Variants in TTN observed in about 807,000 individuals in gnomAD.
TTN encodes titin.
Under a neutral mutation model 3,223.0 loss-of-function variants are expected in TTN, and 1,525 were observed. That is an observed-to-expected ratio of 0.47 (90% CI 0.45 to 0.49). The LOEUF (loss-of-function observed/expected upper bound fraction) is 0.49, where lower values mean the gene tolerates loss of function less well. Ranked by LOEUF, TTN falls within the 20% of genes least tolerant of loss-of-function variation. TTN has a pLI of 0.00. For missense variants in TTN, 40,786 were observed against 43,424.0 expected (o/e 0.94, Z 5.40); for synonymous variants, 14,094 against 15,161.0 (o/e 0.93, Z 5.17).
intron 313 of TTN, 127 bp downstream of exon 313, chr2:178,582,813 G>T: frequency 1.0e-6 from 1 of 994,200 alleles, no homozygotes; most frequent in Non-Finnish European, 1.4e-6. Flanking sequence ...TCTGTCATAA[G>T]AATAATTCTG....
At position 178,532,572 on chromosome 2, in the gene TTN, C is replaced by A; in HGVS notation, c.104043G>T (p.Leu34681=). Residue 34681 remains leucine (L), a synonymous_variant, in exon 358 of 363, where the codon CTG becomes CTT. Coordinates refer to ENST00000589042, the MANE Select transcript of TTN (RefSeq NM_001267550.2). ...CTAACTCAAGCTCTTCTTCAAGACG[C>A]AGCCTCTCTTCCTCTGTTCTTTTCA... ...LAMKRTEEER[L]RLEEELELGF... is the part of the protein sequence containing the mutation. The A allele has an allele frequency of 6.2e-7, 1 of 1,613,964 alleles. No individual in the cohort carries two copies. Among genetic ancestry groups the A allele is most frequent in the African/African-American group, 1.3e-5 (1 of 75,042 alleles).
chr2:178,616,976 A>T lies in TTN; in HGVS notation c.47913T>A (p.Gly15971=). ...PTMDLSAFKD[G]LEVIVPNPIT... ...TAGGATTTGGGACAATAACTTCCAG[A>T]CCATCTTTAAATGCACTTAAATCCA... is the stretch of plus-strand genomic sequence containing the variant. Residue 15971 remains glycine, a synonymous_variant, in exon 256 of 363, where the codon GGT becomes GGA. Transcript: ENST00000589042. 1 of 1,612,656 alleles carries T rather than the reference A, an allele frequency of 6.2e-7. No individual in the cohort carries two copies. Among genetic ancestry groups the T allele is most frequent in the Non-Finnish European group, 8.5e-7 (1 of 1,179,074 alleles).
rs752675414 is a variant in TTN, at chr2:178,748,356, G to T, written c.11311+4768C>A. ...TTCTCCACCATAGTTCTATTTGAAA[G>T]CTCTTGACTGGAAGAAATTTCTTGA... On this transcript the variant is annotated intron_variant, in intron 47 of 362. Coordinates refer to ENST00000589042, the MANE Select transcript of TTN (RefSeq NM_001267550.2). The T allele has an allele frequency of 1.9e-6, 3 of 1,613,110 alleles. No individual in the cohort carries two copies. In the Admixed American group the frequency reaches 5.0e-5, roughly 27 times the overall value.
In TTN at chr2:178,549,361, G is replaced by T; in HGVS notation, c.92265C>A (p.Ile30755=). Residue 30755 remains isoleucine (I), a synonymous_variant, in exon 339 of 363, where the codon ATC becomes ATA. Transcript: ENST00000589042. ...TGCTTTTCTTTTCTCTTCTTTCAAG[G>T]ATATACTGTTGAATTTCACTGCCAC... is the stretch of plus-strand genomic sequence containing the variant. ...SDGGSEIQQY[I]LERREKKSTR... is the part of the protein sequence containing the mutation. The T allele has an allele frequency of 6.2e-7, 1 of 1,613,768 alleles. No homozygotes were observed.
intron 307 of TTN, 150 bp from the exon 308 acceptor site, chr2:178,586,957 A>G: frequency 2.2e-6 from 3 of 1,347,246 alleles, no homozygotes; most frequent in Non-Finnish European, 3.1e-6. Context: ...AAGATGAGAC[A>G]GATCAAAAAA....
rs1387694894 is a variant in TTN, at chr2:178,548,265, C to G, written c.93361G>C (p.Asp31121His). 6.2e-7 allele frequency: 1 copy of G among 1,613,852 alleles called. No homozygotes were observed. The highest frequency in any genetic ancestry group is 1.1e-5 in the South Asian group (1 of 91,078). ...TEQPAPPRRL[D>H]VVDTSKSSAV... ...GAGGATTTGCTAGTATCAACAACAT[C>G]AAGTCTCCTAGGTGGAGCAGGCTGT... Residue 31121 changes from aspartate to histidine, a missense_variant, in exon 339 of 363, where the codon GAT becomes CAT. By Grantham distance (81) the Asp-to-His change is moderately conservative. Coordinates refer to ENST00000589042, the MANE Select transcript of TTN (RefSeq NM_001267550.2). The surrounding 1 kb of genome is among the most constrained non-coding windows in gnomAD (Gnocchi z 4.3).
In TTN at chr2:178,678,465, TCTC is replaced by T. The variant is rs1259937448; in HGVS notation, c.33856_33858del (p.Glu11286del). The T allele has an allele frequency of 2.5e-6, 4 of 1,595,582 alleles. No homozygotes were observed. The highest frequency in any genetic ancestry group is 2.7e-5 in the African/African-American group (2 of 74,262). Reference sequence around the variant, plus strand: ...TTAGGAGCAGGAACTGGCACCTTCTTCTCAGGCACAGGCTTCTTGGGTACCTCT... The same window carrying T: ...TTAGGAGCAGGAACTGGCACCTTCTTAGGCACAGGCTTCTTGGGTACCTCT... On this transcript the variant is annotated inframe_deletion, in exon 144 of 363. Transcript: ENST00000589042.
Position 178,710,744 on chromosome 2 carries a change from G to T in TTN, c.28353C>A (p.Ser9451Arg), listed in dbSNP as rs777096848. 6.2e-7 allele frequency: 1 copy of T among 1,613,832 alleles called. No individual in the cohort carries two copies. Among genetic ancestry groups the T allele is most frequent in the East Asian group, 2.2e-5 (1 of 44,874 alleles). ...CTACTTTGAGGACTGTCAGGTGGGC[G>T]CTGTTTTCCAGATAACTAATCTGGT... Reference protein sequence around the residue: ...GKYQISYLENSAHLTVLKVDK... With the variant: ...GKYQISYLENRAHLTVLKVDK... The change falls in exon 98 of 363, where the codon AGC becomes AGA. Residue 9451 changes from serine to arginine, a missense_variant. Coordinates refer to ENST00000589042, the MANE Select transcript of TTN (RefSeq NM_001267550.2).
chr2:178,756,177 C>A (rs117104447), intron 46 of TTN, 45 bp downstream of exon 46: 2 of 1,394,070 alleles, frequency 1.4e-6, no homozygotes, highest in African/African-American at 1.4e-5. Flanking sequence ...CTGCATAAAG[C>A]GATGAGGATG....
chr2:178,543,706 A>G, intron 346 of TTN, 44 bp from the exon 347 acceptor site: 2 of 1,525,370 alleles, frequency 1.3e-6, no homozygotes, highest in South Asian at 1.3e-5. Flanking sequence ...TTTGCCTGAT[A>G]GCTTTTTTTT....
Position 178,571,359 on chromosome 2 carries a change from T to G in TTN, c.74773A>C (p.Met24925Leu). 6.2e-7 allele frequency: 1 copy of G among 1,613,412 alleles called. No individual in the cohort carries two copies. Reference protein sequence around the residue: ...PVVTLSSRDSMEVQWNEPISD... With the variant: ...PVVTLSSRDSLEVQWNEPISD... ...ATTGGCTCATTCCATTGTACTTCCA[T>G]GCTGTCCCTGGAGGACAGTGTGACA... Residue 24925 changes from methionine to leucine, a missense_variant, in exon 326 of 363, where the codon ATG becomes CTG. By Grantham distance (15) the Met-to-Leu change is conservative (BLOSUM62 2). Coordinates refer to ENST00000589042, the MANE Select transcript of TTN (RefSeq NM_001267550.2).
In TTN at chr2:178,748,703, G is replaced by C. The variant is rs1220514234; in HGVS notation, c.11311+4421C>G. On this transcript the variant is annotated intron_variant, in intron 47 of 362. Transcript: ENST00000589042. ...AAATGTAATAGGTGATTCATGTTCA[G>C]CTCTTTTAGAAATTGCAGGTTTATC... 32 of 1,612,446 alleles carry C rather than the reference G, an allele frequency of 2.0e-5. No individual in the cohort carries two copies. The highest frequency in any genetic ancestry group is 2.5e-5 in the Non-Finnish European group (30 of 1,179,246).
chr2:178,684,498 T>C (rs1452238657), intron 131 of TTN, 85 bp from the exon 132 acceptor site: 1 of 1,457,080 alleles, frequency 6.9e-7, no homozygotes, highest in African/African-American at 1.4e-5. Context: ...GATTTTAGAA[T>C]AGAAGAATTT....
intron 121 of TTN, among the ~76,000 whole-genome samples, chr2:178,690,416 T>C (rs889438857): frequency 3.3e-5 from 5 of 152,170 alleles, no homozygotes; most frequent in African/African-American, 1.2e-4. Context: ...CAGGAAACAC[T>C]CTAGAGTAGG....
rs370516890 is a variant in TTN, at chr2:178,574,832, C to T, written c.71300G>A (p.Arg23767Gln). ...AACCCAGGTAGTACTGTCAGTCTGCCGCATTTCCACTACATAGTTGCTTAT... is the reference window on the plus strand; with the variant it reads ...AACCCAGGTAGTACTGTCAGTCTGCTGCATTTCCACTACATAGTTGCTTAT... ...VPISNYVVEM[R>Q]QTDSTTWVEL... is the part of the protein sequence containing the mutation. The change falls in exon 326 of 363, where the codon CGG becomes CAG. Residue 23767 changes from arginine to glutamine, a missense_variant. Coordinates refer to ENST00000589042, the MANE Select transcript of TTN (RefSeq NM_001267550.2). 176 of 1,612,822 alleles carry T rather than the reference C, an allele frequency of 1.1e-4. No homozygotes were observed. Among genetic ancestry groups the T allele is most frequent in the African/African-American group, 1.6e-4 (12 of 74,984 alleles).
At chr2:178,546,940 CA>C (rs761903350) in intron 340 of TTN, 35 bp from the exon 341 acceptor site, 116 of 1,574,222 alleles carry the variant, frequency 7.4e-5, no homozygotes, top group Non-Finnish European at 9.2e-5. Context: ...TAAAATATAC[CA>C]CTCTGAGTTC....
At chr2:178,789,242 C>T in intron 13 of TTN, 118 bp downstream of exon 13, 2 of 1,389,888 alleles carry the variant, frequency 1.4e-6, no homozygotes, top group South Asian at 1.2e-5. Flanking sequence ...TTAATAGTGA[C>T]TCATACATAA....
Position 178,704,977 on chromosome 2 carries a change from C to T in TTN, c.29605-11G>A, listed in dbSNP as rs2154291442. On this transcript the variant is annotated splice_polypyrimidine_tract_variant and intron_variant, in intron 103 of 362. Transcript: ENST00000589042. The stretch of plus-strand genomic sequence containing the variant: ...TATTTCCTCAATTTCCTGAGAAGAA[C>T]AAAAATGATAGGCATTACAGATGAA... 6.2e-7 allele frequency: 1 copy of T among 1,610,354 alleles called. No homozygotes were observed. Among genetic ancestry groups the T allele is most frequent in the Admixed American group, 1.7e-5 (1 of 59,634 alleles).
chr2:178,581,590 T>C lies in TTN; in HGVS notation c.66678A>G (p.Thr22226=), dbSNP rs2047759575. 6.2e-7 allele frequency: 1 copy of C among 1,612,640 alleles called. No homozygotes were observed. The highest frequency in any genetic ancestry group is 1.7e-5 in the Admixed American group (1 of 59,932). The change falls in exon 316 of 363, where the codon ACA becomes ACG. Residue 22226 remains threonine (T), a synonymous_variant. Transcript: ENST00000589042. ...CGGCATACACACGGAATTGATATTG[T>C]GTGTCTTCCATCAGGCCAGTAACCT... is the stretch of plus-strand genomic sequence containing the variant. ...RFEVTGLMED[T]QYQFRVYAVN...
Sources: allele counts gnomAD v4.1 joint callset (sites outside exome capture counted in the v4.1 genomes callset), GRCh38; gene constraint gnomAD v4.1.1; non-coding constraint Gnocchi (gnomAD v3.1); transcripts MANE v1.5; gene names NCBI Gene and HGNC (gene_info 2026-07-23, HGNC 2026-07-21).